Variants in ARID1B observed in about 807,000 individuals in gnomAD.
The protein encoded by ARID1B is AT-rich interactive domain-containing protein 1B.
ARID1B carries 30 observed loss-of-function variants against 212.3 expected under a neutral mutation model. The ratio of observed to expected loss-of-function variants is 0.14; its 90% CI spans 0.11 to 0.19. ARID1B has a LOEUF of 0.19. ARID1B is among the 10% of genes least tolerant of loss of function. The probability of loss-of-function intolerance (pLI) is 1.00; values close to 1 mark genes in which losing one functional copy is unlikely to be tolerated. For synonymous variants in ARID1B, 1,402 were observed against 1,301.7 expected (o/e 1.08, Z -1.66); for missense variants, 2,891 against 3,204.0 (o/e 0.90, Z 2.36).
At chr6:156,830,032 A>T (rs527634189) in intron 2 of ARID1B, among the ~76,000 whole-genome samples, 2 of 152,304 alleles carry the variant, frequency 1.3e-5, no homozygotes, top group Admixed American at 1.3e-4. Context: ...AAGAGACCCA[A>T]CATTTTCCTT....
At chr6:156,970,948 A>G (rs140767480) in intron 4 of ARID1B, among the ~76,000 whole-genome samples, 4 of 152,216 alleles carry the variant, frequency 2.6e-5, no homozygotes, top group African/African-American at 4.8e-5. Flanking sequence ...TTTGGGTCCT[A>G]TTTTACCCTC....
At chr6:157,133,657 G>T (rs1788708447) in intron 7 of ARID1B, among the ~76,000 whole-genome samples, 1 of 152,210 alleles carries the variant, frequency 6.6e-6, no homozygotes, top group Non-Finnish European at 1.5e-5. Context: ...ATCCCTCCCA[G>T]TTTCTCTCCG....
intron 3 of ARID1B, among the ~76,000 whole-genome samples, chr6:156,924,150 C>G (rs1193109788): frequency 1.3e-5 from 2 of 152,150 alleles, no homozygotes; most frequent in Non-Finnish European, 2.9e-5. Context: ...AGTAGCAGGT[C>G]CCTTATACAG....
chr6:156,918,246 T>A (rs2128236474), intron 3 of ARID1B, among the ~76,000 whole-genome samples: 1 of 152,332 alleles, frequency 6.6e-6, no homozygotes, highest in South Asian at 2.1e-4. Context: ...AAACAGTTCC[T>A]TATATTGTTG....
chr6:157,039,678 C>CTTCCTTCTTTCT (rs1781645635), intron 4 of ARID1B, among the ~76,000 whole-genome samples: 1 of 85,864 alleles, frequency 1.2e-5, no homozygotes, highest in African/African-American at 4.5e-5. Flanking sequence ...TCCTTCCTTC[C>CTTCCTTCTTTCT]TTCCTTCCTT....
rs111743803 is a variant in ARID1B, at chr6:156,992,708, G to A, written c.2247+57132G>A. Among the ~76,000 whole-genome samples the A allele has an allele frequency of 5.6e-3, 850 of 152,208 alleles. 14 individuals are homozygous for A. Among genetic ancestry groups the A allele is most frequent in the African/African-American group, 0.02 (815 of 41,528 alleles). On this transcript the variant is annotated intron_variant, in intron 4 of 19. Coordinates refer to ENST00000636930, the MANE Select transcript of ARID1B (RefSeq NM_001374828.1). Reference sequence around the variant, plus strand: ...CAGAGCAGCCGTGGCCTGTTTCTGCGCAGAGGTCACTGGGCCTTGGAAGAC... The same window carrying A: ...CAGAGCAGCCGTGGCCTGTTTCTGCACAGAGGTCACTGGGCCTTGGAAGAC...
intron 5 of ARID1B, among the ~76,000 whole-genome samples, chr6:157,098,280 G>A (rs577544891): frequency 1.3e-5 from 2 of 152,230 alleles, no homozygotes; most frequent in South Asian, 2.1e-4. Context: ...TTTTATGTCT[G>A]GTGTTCTGCC....
chr6:156,786,003 T>C (rs1031680233), intron 1 of ARID1B, among the ~76,000 whole-genome samples: 14 of 152,218 alleles, frequency 9.2e-5, no homozygotes, highest in Non-Finnish European at 1.2e-4. Context: ...TTTTGGAACC[T>C]TTCTAAAGTT....
intron 4 of ARID1B, among the ~76,000 whole-genome samples, chr6:157,007,726 GTTTT>G (rs34711541): frequency 1.8e-4 from 25 of 138,428 alleles, no homozygotes; most frequent in African/African-American, 6.7e-4. Flanking sequence ...GCCCTAAGTT[GTTTT>G]TTTTTTTTTT....
intron 5 of ARID1B, among the ~76,000 whole-genome samples, chr6:157,103,353 T>G (rs905504860): frequency 2.6e-5 from 4 of 152,214 alleles, no homozygotes; most frequent in Non-Finnish European, 5.9e-5. Context: ...CTGTATGGAA[T>G]GTACATTGTA....
intron 2 of ARID1B, among the ~76,000 whole-genome samples, chr6:156,860,303 T>C (rs1785238117): frequency 1.3e-5 from 2 of 152,030 alleles, no homozygotes; most frequent in South Asian, 4.1e-4. Flanking sequence ...AGGAAGGATT[T>C]TGAATTGTTC....
At position 157,172,200 on chromosome 6, in the gene ARID1B, A is replaced by G. The variant is rs186477610; in HGVS notation, c.3236-1808A>G. Reference sequence around the variant, plus strand: ...TTAATGTACAGGTTTACTAATTCATATCTCGTTAGACCCCAGAGACAAAAC... The same window carrying G: ...TTAATGTACAGGTTTACTAATTCATGTCTCGTTAGACCCCAGAGACAAAAC... On this transcript the variant is annotated intron_variant, in intron 9 of 19. Transcript: ENST00000636930. Among the ~76,000 whole-genome samples, 15 of 152,294 alleles carry G rather than the reference A, an allele frequency of 9.8e-5. No homozygotes were observed. In the East Asian group the frequency reaches 2.9e-3, roughly 29 times the overall value.
intron 2 of ARID1B, among the ~76,000 whole-genome samples, chr6:156,846,259 A>AT (rs1228177938): frequency 6.6e-6 from 1 of 151,714 alleles, no homozygotes; most frequent in East Asian, 1.9e-4. Flanking sequence ...GGTTCAAGTG[A>AT]TTCTTCTGCC....
At chr6:157,025,864 TTACCTTTGTAAGAAAC>T (rs71696350) in intron 4 of ARID1B, among the ~76,000 whole-genome samples, 36,189 of 152,120 alleles carry the variant, frequency 0.24, 4,902 homozygotes, top group Non-Finnish European at 0.31. Context: ...CAGACTGCAT[TTACCTTTGTAAGAAAC>T]TACCAGGCTT....
chr6:156,920,549 C>G (rs868022049), intron 3 of ARID1B, among the ~76,000 whole-genome samples: 30 of 152,190 alleles, frequency 2.0e-4, no homozygotes, highest in African/African-American at 6.7e-4. Context: ...GTAACAAGCT[C>G]TATGTATATT....
At chr6:157,102,604 C>CTTTTTTTT (rs35977420) in intron 5 of ARID1B, among the ~76,000 whole-genome samples, 1 of 66,252 alleles carries the variant, frequency 1.5e-5, no homozygotes, top group Non-Finnish European at 2.8e-5. Flanking sequence ...CTGAGTGGTT[C>CTTTTTTTT]TTTTTTTTTT....
At position 156,921,230 on chromosome 6, in the gene ARID1B, G is replaced by T. The variant is rs532802919; in HGVS notation, c.2137-14236G>T. On this transcript the variant is annotated intron_variant, in intron 3 of 19. Coordinates refer to ENST00000636930, the MANE Select transcript of ARID1B (RefSeq NM_001374828.1). ...ATAAAGTGGGATGAATATATAGCTT[G>T]CCCTCCTTGGAAAGTTGGAGGTGTT... 1.2e-4 allele frequency among the ~76,000 whole-genome samples: 18 copies of T among 152,128 alleles called. No homozygotes were observed. The South Asian group carries it at 3.5e-3, about 30-fold the overall frequency.
chr6:156,976,943 A>C, intron 4 of ARID1B: 1 of 549,580 alleles, frequency 1.8e-6, no homozygotes, highest in Non-Finnish European at 3.6e-6. Flanking sequence ...ATCTAGAAAA[A>C]TGGCAGAATA....
intron 2 of ARID1B, among the ~76,000 whole-genome samples, chr6:156,843,319 G>A (rs1784022538): frequency 6.6e-6 from 1 of 152,138 alleles, no homozygotes. Flanking sequence ...AAATTAAAAA[G>A]TGTTTCACTG....
Sources: allele counts gnomAD v4.1 joint callset (sites outside exome capture counted in the v4.1 genomes callset), GRCh38; gene constraint gnomAD v4.1.1; transcripts MANE v1.5; gene names NCBI Gene and HGNC (gene_info 2026-07-23, HGNC 2026-07-21).